The following ATM variants were observed in gnomAD, a reference collection of about 807,000 sequenced individuals.
ATM encodes the protein serine-protein kinase ATM.
A neutral mutation model predicts 387.0 loss-of-function variants in ATM; 308 were observed. That is an observed-to-expected ratio of 0.80 (90% CI 0.73 to 0.87). ATM has a LOEUF of 0.87. Ranked by LOEUF, ATM falls within the 40% of genes least tolerant of loss-of-function variation. The probability of loss-of-function intolerance (pLI) is 0.00; values close to 1 mark genes in which losing one functional copy is unlikely to be tolerated. For missense variants in ATM, 3,312 were observed against 3,560.9 expected (o/e 0.93, Z 1.78); for synonymous variants, 1,156 against 1,187.3 (o/e 0.97, Z 0.54).
chr11:108,254,192 T>A (rs2080329859), intron 13 of ATM, among the ~76,000 whole-genome samples, 153 bp downstream of exon 13: 1 of 152,164 alleles, frequency 6.6e-6, no homozygotes, highest in Non-Finnish European at 1.5e-5. Context: ...ATTGGACAAC[T>A]TAGCATAATT....
At chr11:108,291,186 A>G (rs2082774215) in intron 29 of ATM, among the ~76,000 whole-genome samples, 2 of 152,144 alleles carry the variant, frequency 1.3e-5, no homozygotes. Context: ...CAGTGAGTCT[A>G]ATTCGCACCA....
intron 37 of ATM, among the ~76,000 whole-genome samples, 160 bp downstream of exon 37, chr11:108,305,012 C>G (rs1265776963): frequency 6.6e-6 from 1 of 152,148 alleles, no homozygotes; most frequent in Non-Finnish European, 1.5e-5. Flanking sequence ...CCAACAGTTG[C>G]AACAAGTTTT....
intron 32 of ATM, chr11:108,295,821 T>A (rs1287611160): frequency 6.6e-6 from 1 of 151,946 alleles, no homozygotes; most frequent in East Asian, 1.9e-4. Flanking sequence ...GCCTGGCTAA[T>A]TTTTTGTATT....
intron 15 of ATM, 51 bp from the exon 16 acceptor site, chr11:108,258,932 GAAT>G (rs2080687524): frequency 1.4e-6 from 2 of 1,437,150 alleles, no homozygotes; most frequent in Non-Finnish European, 2.0e-6. Context: ...TGTCTGCCAA[GAAT>G]AATTGTTTTT....
intron 59 of ATM, among the ~76,000 whole-genome samples, chr11:108,350,896 G>C (rs2089121819): frequency 6.6e-6 from 1 of 152,102 alleles, no homozygotes; most frequent in African/African-American, 2.4e-5. Context: ...CACTAAAGCT[G>C]ACTTTATGTA....
intron 27 of ATM, among the ~76,000 whole-genome samples, chr11:108,288,650 C>A (rs551114928): frequency 6.6e-6 from 1 of 152,076 alleles, no homozygotes; most frequent in South Asian, 2.1e-4. Flanking sequence ...ACAGTACTGG[C>A]ATAGAGCTTT....
At chr11:108,318,087 C>T (rs576996420) in intron 43 of ATM, among the ~76,000 whole-genome samples, 1 of 152,128 alleles carries the variant, frequency 6.6e-6, no homozygotes, top group African/African-American at 2.4e-5. Flanking sequence ...TACGGCCAGG[C>T]ACGGTGGCTC....
intron 44 of ATM, among the ~76,000 whole-genome samples, chr11:108,321,017 C>T (rs1322871824): frequency 2.0e-5 from 3 of 152,148 alleles, no homozygotes; most frequent in Non-Finnish European, 2.9e-5. Context: ...ATCCTTGCCA[C>T]CTTCATGTTG....
At position 108,365,382 on chromosome 11, in the gene ATM, G is replaced by A. The variant is rs786203336; in HGVS notation, c.9045G>A (p.Glu3015=). ...VAERVLMRLQ[E]KLKGVEEGTV... is the part of the protein sequence containing the mutation. ...AACGTGTCTTAATGAGACTACAAGAGAAACTGAAAGGAGTGGAAGAAGGCA... is the reference window on the plus strand; with the variant it reads ...AACGTGTCTTAATGAGACTACAAGAAAAACTGAAAGGAGTGGAAGAAGGCA... Residue 3015 remains glutamate, a synonymous_variant, in exon 63 of 63, where the codon GAG becomes GAA. Coordinates refer to ENST00000675843, the MANE Select transcript of ATM (RefSeq NM_000051.4). 57 of 1,614,052 alleles carry A rather than the reference G, an allele frequency of 3.5e-5. No individual in the cohort carries two copies. The highest frequency in any genetic ancestry group is 4.7e-5 in the Non-Finnish European group (55 of 1,180,046).
intron 58 of ATM, among the ~76,000 whole-genome samples, chr11:108,346,798 TG>T (rs766556947): frequency 3.2e-4 from 49 of 152,114 alleles, no homozygotes; most frequent in Admixed American, 6.5e-4. Flanking sequence ...TGCAGTTTTT[TG>T]GGGGGATACA....
At chr11:108,240,240 G>A (rs1215094315) in intron 5 of ATM, among the ~76,000 whole-genome samples, 1 of 152,050 alleles carries the variant, frequency 6.6e-6, no homozygotes, top group African/African-American at 2.4e-5. Context: ...GGGAGAGAAT[G>A]GTAACAATTT....
chr11:108,297,083 TA>T (rs2083162525), intron 32 of ATM: 1 of 558,698 alleles, frequency 1.8e-6, no homozygotes. Flanking sequence ...TGTTGTCACA[TA>T]TTGCTAATCA....
At position 108,251,072 on chromosome 11, in the gene ATM, G is replaced by T. The variant is rs769788188; in HGVS notation, c.1607G>T (p.Cys536Phe). ...LFTGSACRPS[C>F]PAVCCLTLAL... ...ACTGGGTCAGCCTGCAGACCTTCAT[G>T]GTAAGTTCAGCATGCATTATGTCTG... Residue 536 changes from cysteine (C) to phenylalanine (F), a missense_variant and splice_region_variant, in exon 10 of 63, where the codon TGT (cysteine) becomes TTT (phenylalanine). This residue lies in a region of ATM where 1,791 missense variants were observed against 1,804.5 expected (regional missense o/e 0.99). Coordinates refer to ENST00000675843, the MANE Select transcript of ATM (RefSeq NM_000051.4). 6.2e-7 allele frequency: 1 copy of T among 1,613,836 alleles called. No individual in the cohort carries two copies. The highest frequency in any genetic ancestry group is 8.5e-7 in the Non-Finnish European group (1 of 1,179,992).
At chr11:108,349,943 T>G (rs1305297279) in intron 59 of ATM, among the ~76,000 whole-genome samples, 1 of 152,180 alleles carries the variant, frequency 6.6e-6, no homozygotes, top group Admixed American at 6.5e-5. Context: ...TAGGAAAGTC[T>G]TAAGCTGGAG....
At chr11:108,331,630 T>TA in intron 51 of ATM, 73 bp downstream of exon 51, 1 of 1,429,542 alleles carries the variant, frequency 7.0e-7, no homozygotes, top group Non-Finnish European at 9.3e-7. Context: ...ATAAAGTATA[T>TA]ATACCATTCC....
chr11:108,244,678 A>G (rs2079743759), intron 6 of ATM, 110 bp from the exon 7 acceptor site: 15 of 890,538 alleles, frequency 1.7e-5, no homozygotes, highest in Non-Finnish European at 2.7e-5. Context: ...CTACTGTTTG[A>G]AAATTAGGGT....
At position 108,354,070 on chromosome 11, in the gene ATM, AACACACAC is replaced by A. The variant is rs71047689; in HGVS notation, c.8786+219_8786+226del. On this transcript the variant is annotated intron_variant, in intron 60 of 62. Coordinates refer to ENST00000675843, the MANE Select transcript of ATM (RefSeq NM_000051.4). ...GTATCTAAAAAAATACACACACACA[AACACACAC>A]ACACACACACACACACACACACACA... is the stretch of plus-strand genomic sequence containing the variant. 2.1e-4 allele frequency among the ~76,000 whole-genome samples: 24 copies of A among 114,948 alleles called. 1 individual carries two copies. Among genetic ancestry groups the A allele is most frequent in the East Asian group, 1.4e-3 (6 of 4,236 alleles). 75.4% of individuals were successfully genotyped at this position (114,948 alleles called of 152,430 possible). A position where few individuals can be genotyped will look rare whatever the true frequency, so the allele number is the denominator to read the frequency against.
rs1236628481 is a variant in ATM, at chr11:108,287,725, T to C, written c.4109+10T>C. ...TCTGTGACTTTTCAGGGTATGTACA[T>C]TTTAAACTTAGAGAACTAGCTCTAA... On this transcript the variant is annotated intron_variant, in intron 27 of 62. Transcript: ENST00000675843. The C allele has an allele frequency of 6.3e-7, 1 of 1,590,690 alleles. No homozygotes were observed. Among genetic ancestry groups the C allele is most frequent in the African/African-American group, 1.3e-5 (1 of 74,412 alleles).
In ATM at chr11:108,258,330, G is replaced by A. The variant is rs369056598; in HGVS notation, c.2377-656G>A. 3.3e-3 allele frequency among the ~76,000 whole-genome samples: 507 copies of A among 152,282 alleles called. 3 individuals are homozygous for A. Among genetic ancestry groups the A allele is most frequent in the African/African-American group, 0.012 (493 of 41,566 alleles). On this transcript the variant is annotated intron_variant, in intron 15 of 62. Transcript: ENST00000675843. Reference sequence around the variant, plus strand: ...TAATTTCAGGAATTTTTCTGAGATTGCCTTATGACTTTTATATACAACCAT... The same window carrying A: ...TAATTTCAGGAATTTTTCTGAGATTACCTTATGACTTTTATATACAACCAT...
Sources: gnomAD v4.1 joint callset for allele counts (sites outside exome capture counted in the v4.1 genomes callset) on GRCh38, gnomAD v4.1.1 for gene constraint, gnomAD v4.1.1 regional missense constraint, MANE v1.5 for transcripts, NCBI Gene and HGNC (gene_info 2026-07-23, HGNC 2026-07-21) for gene names.